Variants in MTUS2 observed in about 807,000 individuals in gnomAD.
MTUS2 encodes microtubule associated scaffold protein 2.
A neutral mutation model predicts 114.1 loss-of-function variants in MTUS2; 40 were observed. The observed-to-expected ratio is 0.35, with a 90% confidence interval of 0.27 to 0.46. MTUS2 has a LOEUF of 0.46. Among genes scored for constraint, MTUS2 ranks in the 20% least tolerant of loss-of-function variants. The probability of loss-of-function intolerance (pLI) is 1.00; values close to 1 mark genes in which losing one functional copy is unlikely to be tolerated. For synonymous variants in MTUS2, 688 were observed against 672.0 expected (o/e 1.02, Z -0.37); for missense variants, 1,679 against 1,705.4 (o/e 0.98, Z 0.27).
At chr13:28,963,760 A>T (rs1488913085) in intron 2 of MTUS2, among the ~76,000 whole-genome samples, 2 of 152,042 alleles carry the variant, frequency 1.3e-5, no homozygotes, top group Non-Finnish European at 2.9e-5. Flanking sequence ...CTCCATGGAG[A>T]CTGCTCTTGT....
At chr13:29,007,103 C>G (rs1421470535) in intron 2 of MTUS2, among the ~76,000 whole-genome samples, 1 of 152,100 alleles carries the variant, frequency 6.6e-6, no homozygotes, top group African/African-American at 2.4e-5. Context: ...TTTAAAATTT[C>G]AATTTAAACT....
At chr13:29,327,436 A>C (rs1280327145) in intron 7 of MTUS2, among the ~76,000 whole-genome samples, 1 of 152,058 alleles carries the variant, frequency 6.6e-6, no homozygotes, top group Admixed American at 6.6e-5. Context: ...ACAACCACTG[A>C]TCTGTTCTGT....
intron 2 of MTUS2, among the ~76,000 whole-genome samples, chr13:28,920,298 C>T (rs554205581): frequency 7.2e-4 from 109 of 152,360 alleles, no homozygotes; most frequent in African/African-American, 2.6e-3. Context: ...CCCAATAACA[C>T]TGTGGTTCTT....
intron 2 of MTUS2, among the ~76,000 whole-genome samples, chr13:28,863,002 T>C (rs567208988): frequency 2.6e-4 from 39 of 152,328 alleles, no homozygotes; most frequent in African/African-American, 8.2e-4. Flanking sequence ...TTACCTTTAG[T>C]CTGCTGAGGG....
chr13:29,074,293 AG>A (rs922450894), intron 4 of MTUS2, among the ~76,000 whole-genome samples: 9 of 152,154 alleles, frequency 5.9e-5, no homozygotes, highest in African/African-American at 1.9e-4. Context: ...ACTCAGGTCA[AG>A]TTTACCTCCT....
At chr13:28,978,239 T>G (rs1884204987) in intron 2 of MTUS2, among the ~76,000 whole-genome samples, 1 of 152,200 alleles carries the variant, frequency 6.6e-6, no homozygotes. Flanking sequence ...GTGAAAAATT[T>G]CCCCCTAGAT....
At chr13:29,038,705 C>G (rs1288620825) in intron 4 of MTUS2, among the ~76,000 whole-genome samples, 6 of 152,260 alleles carry the variant, frequency 3.9e-5, no homozygotes, top group Non-Finnish European at 7.3e-5. Flanking sequence ...AAGCCCCTTA[C>G]TGGGGCTGCT....
intron 5 of MTUS2, among the ~76,000 whole-genome samples, chr13:29,261,824 A>G (rs1459499052): frequency 6.6e-6 from 1 of 152,226 alleles, no homozygotes; most frequent in African/African-American, 2.4e-5. Flanking sequence ...TAGAGTGTTC[A>G]TGGATGATGG....
At chr13:29,360,910 A>G (rs920142339) in intron 8 of MTUS2, among the ~76,000 whole-genome samples, 1 of 152,200 alleles carries the variant, frequency 6.6e-6, no homozygotes, top group Admixed American at 6.5e-5. Flanking sequence ...TCTGCCTTCC[A>G]GACATCATCC....
intron 2 of MTUS2, among the ~76,000 whole-genome samples, chr13:28,949,271 TG>T (rs1245202424): frequency 6.6e-6 from 1 of 152,188 alleles, no homozygotes; most frequent in Non-Finnish European, 1.5e-5. Context: ...ACCAGTTTAA[TG>T]GGCAGCTAGT....
intron 7 of MTUS2, among the ~76,000 whole-genome samples, chr13:29,342,095 A>T (rs1901428137): frequency 6.6e-6 from 1 of 151,654 alleles, no homozygotes; most frequent in South Asian, 2.1e-4. Context: ...ATGCCTCCAG[A>T]TTTGTTCTTT....
intron 2 of MTUS2, among the ~76,000 whole-genome samples, chr13:28,945,428 A>G (rs184629031): frequency 1.3e-5 from 2 of 152,266 alleles, no homozygotes; most frequent in South Asian, 4.2e-4. Flanking sequence ...CAGAGGTTGT[A>G]CTAATTTACA....
At chr13:29,306,261 C>T (rs1278269216) in intron 6 of MTUS2, among the ~76,000 whole-genome samples, 2 of 152,124 alleles carry the variant, frequency 1.3e-5, no homozygotes, top group Non-Finnish European at 2.9e-5. Context: ...CACTCCTATT[C>T]AACATAGTAT....
At chr13:29,382,088 A>G (rs1180351258) in intron 8 of MTUS2, among the ~76,000 whole-genome samples, 1 of 152,168 alleles carries the variant, frequency 6.6e-6, no homozygotes, top group East Asian at 1.9e-4. Context: ...CCATGAACAT[A>G]AATATAAAAG....
intron 5 of MTUS2, among the ~76,000 whole-genome samples, chr13:29,275,035 A>G (rs1015170482): frequency 1.3e-5 from 2 of 152,188 alleles, no homozygotes; most frequent in Non-Finnish European, 2.9e-5. Context: ...TGCCCAGCCT[A>G]TAAAAATTCT....
rs1399942480 is a variant in MTUS2, at chr13:29,036,591, A to G, written c.2446+2466A>G. Among the ~76,000 whole-genome samples the G allele has an allele frequency of 2.0e-5, 3 of 152,282 alleles. No individual in the cohort carries two copies. In the East Asian group the frequency reaches 5.8e-4, roughly 29 times the overall value. On this transcript the variant is annotated intron_variant, in intron 4 of 15. Coordinates refer to ENST00000612955, the MANE Select transcript of MTUS2 (RefSeq NM_001033602.4). ...TTAATTTTGTCTCGTTGATCTGTCT[A>G]ATATTGACAGTGGGGTGTTAAAGTG...
At chr13:29,210,128 CTTTTT>C (rs1017072574) in intron 5 of MTUS2, among the ~76,000 whole-genome samples, 44 of 152,010 alleles carry the variant, frequency 2.9e-4, no homozygotes, top group African/African-American at 9.9e-4. Flanking sequence ...TTTTAAAATT[CTTTTT>C]TCTTTGTCTT....
chr13:28,846,319 G>A lies in MTUS2; in HGVS notation c.-243+6469G>A, dbSNP rs757454620. Among the ~76,000 whole-genome samples the A allele has an allele frequency of 6.6e-4, 100 of 152,190 alleles. No individual in the cohort carries two copies. In the Middle Eastern group the frequency reaches 0.014, roughly 21 times the overall value. The stretch of plus-strand genomic sequence containing the variant: ...TCTCTCTTTGGAGTTTAAAGGAATC[G>A]TCAGGTCTCTGTAATAACTAAAGAA... On this transcript the variant is annotated intron_variant, in intron 2 of 15. Coordinates refer to ENST00000612955, the MANE Select transcript of MTUS2 (RefSeq NM_001033602.4).
At chr13:29,351,960 T>C (rs756345121) in intron 7 of MTUS2, among the ~76,000 whole-genome samples, 8 of 152,104 alleles carry the variant, frequency 5.3e-5, no homozygotes, top group Non-Finnish European at 1.2e-4. Flanking sequence ...CTTAGCACTT[T>C]CATTTTACAT....
Sources: gnomAD v4.1 joint callset for allele counts (sites outside exome capture counted in the v4.1 genomes callset) on GRCh38, gnomAD v4.1.1 for gene constraint, MANE v1.5 for transcripts, NCBI Gene and HGNC (gene_info 2026-07-23, HGNC 2026-07-21) for gene names.